The following PCDHAC2 variants were observed in gnomAD, a reference collection of about 807,000 sequenced individuals.
The protein encoded by PCDHAC2 is protocadherin alpha subfamily C, 2.
Under a neutral mutation model 63.3 loss-of-function variants are expected in PCDHAC2, and 24 were observed. That is an observed-to-expected ratio of 0.38 (90% CI 0.27 to 0.53). The LOEUF is 0.53. PCDHAC2 is among the 20% of genes least tolerant of loss of function. The pLI is 0.81. For synonymous variants in PCDHAC2, 569 were observed against 529.4 expected (o/e 1.07, Z -1.03); for missense variants, 1,181 against 1,275.2 (o/e 0.93, Z 1.12).
rs782791096 is a variant in PCDHAC2, at chr5:140,969,145, C to T, written c.2379C>T (p.Tyr793=). Reference sequence around the variant, plus strand: ...GCTCCCTCACCAAGACCTACTGCTACAAGGCCTGTCTGACAGCAGGCTCAG... The same window carrying T: ...GCTCCCTCACCAAGACCTACTGCTATAAGGCCTGTCTGACAGCAGGCTCAG... ...GNGSLTKTYC[Y]KACLTAGSGS... is the part of the protein sequence containing the mutation. The change falls in exon 1 of 4, where the codon TAC becomes TAT. Residue 793 remains tyrosine (Y), a synonymous_variant. Transcript: ENST00000289269. The T allele has an allele frequency of 6.2e-7, 1 of 1,614,168 alleles. No individual in the cohort carries two copies. The highest frequency in any genetic ancestry group is 1.1e-5 in the South Asian group (1 of 91,078).
At chr5:140,974,040 T>C (rs1554235767) in intron 1 of PCDHAC2, among the ~76,000 whole-genome samples, 2 of 152,260 alleles carry the variant, frequency 1.3e-5, no homozygotes, top group African/African-American at 4.8e-5. Context: ...TTTAGCTTAT[T>C]AATATGATAA....
Position 141,009,940 on chromosome 5 carries a change from T to G in PCDHAC2, c.*3T>G, listed in dbSNP as rs782531781. ...CGACTGACAACAGTGACCAGTGAGG[T>G]CCTCAAATGGAAACAAGCCACTTAG... On this transcript the variant is annotated 3_prime_UTR_variant, in exon 4 of 4. Transcript: ENST00000289269. 7 of 1,598,042 alleles carry G rather than the reference T, an allele frequency of 4.4e-6. No homozygotes were observed. The highest frequency in any genetic ancestry group is 4.3e-6 in the Non-Finnish European group (5 of 1,174,556).
At chr5:140,989,829 C>A (rs1554251113) in intron 3 of PCDHAC2, among the ~76,000 whole-genome samples, 3 of 152,124 alleles carry the variant, frequency 2.0e-5, no homozygotes, top group Non-Finnish European at 2.9e-5. Context: ...TGCCAGGAAG[C>A]CTGTCAATGA....
intron 3 of PCDHAC2, among the ~76,000 whole-genome samples, chr5:140,990,194 G>A (rs2097380047): frequency 6.6e-6 from 1 of 152,076 alleles, no homozygotes; most frequent in Non-Finnish European, 1.5e-5. Context: ...ACCAAATGTG[G>A]ACCCGAAAGA....
intron 3 of PCDHAC2, among the ~76,000 whole-genome samples, chr5:140,996,297 T>TGTAACAAAGTAAGGGG (rs2097720569): frequency 6.6e-6 from 1 of 152,196 alleles, no homozygotes; most frequent in Non-Finnish European, 1.5e-5. Context: ...AAGCACAGAT[T>TGTAACAAAGTAAGGGG]GTAACAAAGT....
chr5:140,974,605 G>T (rs2096633635), intron 1 of PCDHAC2, among the ~76,000 whole-genome samples: 1 of 152,088 alleles, frequency 6.6e-6, no homozygotes, highest in Non-Finnish European at 1.5e-5. Context: ...TCTGCCTCCA[G>T]GGTTCAAGCG....
chr5:140,999,801 G>T (rs1271249129), intron 3 of PCDHAC2, among the ~76,000 whole-genome samples: 1 of 152,112 alleles, frequency 6.6e-6, no homozygotes, highest in Admixed American at 6.5e-5. Flanking sequence ...GTTATTTTGG[G>T]CACAAAGCAA....
chr5:140,988,491 AGG>A (rs2097299997), intron 3 of PCDHAC2, among the ~76,000 whole-genome samples: 1 of 152,182 alleles, frequency 6.6e-6, no homozygotes, highest in Non-Finnish European at 1.5e-5. Context: ...TCCCCTACCT[AGG>A]AGAAGCCATG....
chr5:140,984,666 G>T (rs769681431), intron 3 of PCDHAC2, among the ~76,000 whole-genome samples: 115 of 152,058 alleles, frequency 7.6e-4, no homozygotes, highest in Admixed American at 1.2e-3. Flanking sequence ...GTACTTTTAG[G>T]TTTTTAGGAC....
At chr5:140,987,007 A>T (rs2097221901) in intron 3 of PCDHAC2, among the ~76,000 whole-genome samples, 1 of 152,144 alleles carries the variant, frequency 6.6e-6, no homozygotes, top group Non-Finnish European at 1.5e-5. Context: ...TGAGGTCATG[A>T]GTTCGAGACC....
intron 1 of PCDHAC2, among the ~76,000 whole-genome samples, chr5:140,970,414 A>G (rs2096403953): frequency 6.6e-6 from 1 of 152,224 alleles, no homozygotes; most frequent in South Asian, 2.1e-4. Context: ...CCCTACAGTA[A>G]GGTGTAGAGG....
In PCDHAC2 at chr5:141,009,947, A is replaced by G; in HGVS notation, c.*10A>G. On this transcript the variant is annotated 3_prime_UTR_variant, in exon 4 of 4. Coordinates refer to ENST00000289269, the MANE Select transcript of PCDHAC2 (RefSeq NM_018899.6). ...CAACAGTGACCAGTGAGGTCCTCAAATGGAAACAAGCCACTTAGCCAGTTT... is the reference window on the plus strand; with the variant it reads ...CAACAGTGACCAGTGAGGTCCTCAAGTGGAAACAAGCCACTTAGCCAGTTT... The G allele has an allele frequency of 1.9e-6, 3 of 1,596,272 alleles. No individual in the cohort carries two copies. The South Asian group carries it at 3.4e-5, about 18-fold the overall frequency.
chr5:140,978,860 A>G, intron 1 of PCDHAC2, 89 bp from the exon 2 acceptor site: 1 of 1,598,356 alleles, frequency 6.3e-7, no homozygotes, highest in African/African-American at 1.3e-5. Context: ...GCCTGGAAAT[A>G]TTTAAGGGAG....
intron 3 of PCDHAC2, among the ~76,000 whole-genome samples, chr5:141,006,870 G>A (rs782345830): frequency 1.1e-4 from 16 of 152,174 alleles, no homozygotes; most frequent in Non-Finnish European, 1.5e-4. Flanking sequence ...GAATAGATTC[G>A]AGGAATCAAG....
chr5:140,971,547 C>T (rs904044424), intron 1 of PCDHAC2, among the ~76,000 whole-genome samples: 3 of 152,074 alleles, frequency 2.0e-5, no homozygotes, highest in Non-Finnish European at 4.4e-5. Flanking sequence ...GCCAGATCAA[C>T]CTGTTAAATT....
intron 3 of PCDHAC2, among the ~76,000 whole-genome samples, chr5:141,000,501 C>G (rs1252221313): frequency 2.1e-5 from 3 of 139,584 alleles, no homozygotes; most frequent in Admixed American, 7.5e-5. Flanking sequence ...GATCTCGGCT[C>G]ACTGCAACCT....
At chr5:141,007,498 G>T (rs936217793) in intron 3 of PCDHAC2, among the ~76,000 whole-genome samples, 2 of 151,942 alleles carry the variant, frequency 1.3e-5, no homozygotes, top group Admixed American at 1.3e-4. Context: ...GACCTAGGAG[G>T]CAGAGACTGC....
In PCDHAC2 at chr5:141,011,200, A is replaced by C. The variant is rs1242625146; in HGVS notation, c.*1263A>C. 6.5e-6 allele frequency: 1 copy of C among 153,774 alleles called. No individual in the cohort carries two copies. Among genetic ancestry groups the C allele is most frequent in the Non-Finnish European group, 1.5e-5 (1 of 68,036 alleles). The allele number at this position is 153,774 out of a possible 1,614,324, so 9.5% of individuals were successfully genotyped here. ...AATTGAAGAAAAATATTGTTTTCTCATACAGTGAGCAGATTTTTCAATCTA... is the reference window on the plus strand; with the variant it reads ...AATTGAAGAAAAATATTGTTTTCTCCTACAGTGAGCAGATTTTTCAATCTA... On this transcript the variant is annotated 3_prime_UTR_variant, in exon 4 of 4. Transcript: ENST00000289269.
At chr5:140,978,594 G>C (rs184264823) in intron 1 of PCDHAC2, among the ~76,000 whole-genome samples, 31 of 152,288 alleles carry the variant, frequency 2.0e-4, no homozygotes, top group African/African-American at 7.5e-4. Flanking sequence ...CCCTTAATGG[G>C]GCACTTGAGG....
Sources: allele counts gnomAD v4.1 joint callset (sites outside exome capture counted in the v4.1 genomes callset), GRCh38; gene constraint gnomAD v4.1.1; transcripts MANE v1.5; gene names NCBI Gene and HGNC (gene_info 2026-07-23, HGNC 2026-07-21).